The following FRYL variants were observed in gnomAD, a reference collection of about 807,000 sequenced individuals.
FRYL encodes the protein FRY like transcription coactivator.
In FRYL, 150 loss-of-function variants were observed where a neutral mutation model predicts 351.2. The observed-to-expected ratio is 0.43, with a 90% CI of 0.37 to 0.49. The LOEUF is 0.49. FRYL is among the 20% of genes least tolerant of loss of function. The pLI, the probability that FRYL is intolerant of heterozygous loss-of-function variation, is 0.00. For synonymous variants in FRYL, 1,153 were observed against 1,257.1 expected (o/e 0.92, Z 1.75); for missense variants, 3,036 against 3,619.3 (o/e 0.84, Z 4.13).
chr4:48,626,920 C>T (rs1357443199), intron 4 of FRYL, among the ~76,000 whole-genome samples: 1 of 152,064 alleles, frequency 6.6e-6, no homozygotes, highest in Admixed American at 6.6e-5. Context: ...ATTACCTTTA[C>T]TTTCTTAATA....
intron 1 of FRYL, among the ~76,000 whole-genome samples, chr4:48,751,485 A>G (rs1320190694): frequency 6.6e-6 from 1 of 152,228 alleles, no homozygotes; most frequent in Non-Finnish European, 1.5e-5. Flanking sequence ...CCAGGACATC[A>G]TTTCGGGGAG....
intron 2 of FRYL, among the ~76,000 whole-genome samples, chr4:48,702,055 G>C (rs1766775542): frequency 6.6e-6 from 1 of 152,126 alleles, no homozygotes; most frequent in Non-Finnish European, 1.5e-5. Flanking sequence ...AATTATACTT[G>C]AGACTTCCTT....
intron 1 of FRYL, among the ~76,000 whole-genome samples, chr4:48,759,469 A>C (rs1224560819): frequency 6.6e-6 from 1 of 152,168 alleles, no homozygotes; most frequent in East Asian, 1.9e-4. Flanking sequence ...AACAGCACAC[A>C]TTTATTATCT....
At chr4:48,703,208 G>C (rs534529956) in intron 2 of FRYL, among the ~76,000 whole-genome samples, 2 of 152,318 alleles carry the variant, frequency 1.3e-5, no homozygotes, top group East Asian at 3.9e-4. Flanking sequence ...TTCTGAAGCA[G>C]ACTAGATGGG....
intron 3 of FRYL, among the ~76,000 whole-genome samples, chr4:48,674,980 C>T (rs1167013541): frequency 1.3e-5 from 2 of 152,172 alleles, no homozygotes; most frequent in Admixed American, 6.5e-5. Flanking sequence ...ATGCTGATTA[C>T]GCCATTGTCT....
chr4:48,571,678 A>G, intron 26 of FRYL: 1 of 985,098 alleles, frequency 1.0e-6, no homozygotes, highest in Non-Finnish European at 1.2e-6. Context: ...ATGACTAATC[A>G]ATTACATTTA....
intron 1 of FRYL, among the ~76,000 whole-genome samples, chr4:48,767,340 G>A (rs567887131): frequency 3.0e-4 from 45 of 152,136 alleles, no homozygotes; most frequent in Non-Finnish European, 5.0e-4. Context: ...AGAGCAAGGG[G>A]GAAATCTGAC....
chr4:48,764,836 A>G (rs555473741), intron 1 of FRYL, among the ~76,000 whole-genome samples: 1 of 152,286 alleles, frequency 6.6e-6, no homozygotes, highest in Non-Finnish European at 1.5e-5. Flanking sequence ...TTTTCACAGA[A>G]ATAGGAAAAG....
At position 48,565,950 on chromosome 4, in the gene FRYL, T is replaced by C. The variant is rs111564597; in HGVS notation, c.3170-259A>G. On this transcript the variant is annotated intron_variant, in intron 28 of 63. Coordinates refer to ENST00000358350, the MANE Select transcript of FRYL (RefSeq NM_015030.2). ...AGCAGAAATTCCATGGCAGGCTCAA[T>C]GGCACATGAAGGCTGGCACAGAGGT... 6.1e-3 allele frequency among the ~76,000 whole-genome samples: 936 copies of C among 152,310 alleles called. 12 individuals are homozygous for C. The highest frequency in any genetic ancestry group is 0.021 in the African/African-American group (878 of 41,574).
Position 48,589,890 on chromosome 4 carries a change from A to T in FRYL, c.1508-13T>A. 6.3e-7 allele frequency: 1 copy of T among 1,597,878 alleles called. No homozygotes were observed. Among genetic ancestry groups the T allele is most frequent in the Non-Finnish European group, 8.6e-7 (1 of 1,168,188 alleles). On this transcript the variant is annotated splice_polypyrimidine_tract_variant and intron_variant, in intron 17 of 63. Transcript: ENST00000358350. ...TAAACTGACATTCCTAGGGGAAAAA[A>T]CTTCACAGTTATAAAATATCTGAAA...
rs202038710 is a variant in FRYL at position 48,695,487 on chromosome 4, AAT to A, written c.-203-10694_-203-10693del. 7.3e-3 allele frequency among the ~76,000 whole-genome samples: 1,091 copies of A among 150,358 alleles called. 11 individuals are homozygous for A. The highest frequency in any genetic ancestry group is 0.014 in the South Asian group (67 of 4,774). On this transcript the variant is annotated intron_variant, in intron 2 of 63. Coordinates refer to ENST00000358350, the MANE Select transcript of FRYL (RefSeq NM_015030.2). The stretch of plus-strand genomic sequence containing the variant: ...AAGATGTTAACATATATTTACTGTA[AAT>A]ATATATATATATATTTGTATGTGGG...
At chr4:48,703,490 T>C (rs1214732534) in intron 2 of FRYL, among the ~76,000 whole-genome samples, 1 of 152,186 alleles carries the variant, frequency 6.6e-6, no homozygotes, top group Non-Finnish European at 1.5e-5. Context: ...CCCTTCTCCC[T>C]GCATGCCAGC....
intron 2 of FRYL, among the ~76,000 whole-genome samples, chr4:48,687,492 C>CGGGGGGGGGGGGGGGGG (rs561805370): frequency 6.4e-5 from 3 of 46,564 alleles, no homozygotes; most frequent in Admixed American, 2.8e-4. Flanking sequence ...CAAATGAGGT[C>CGGGGGGGGGGGGGGGGG]GGGGGGGGGG....
At chr4:48,531,554 A>T (rs1727631099) in intron 49 of FRYL, among the ~76,000 whole-genome samples, 1 of 152,230 alleles carries the variant, frequency 6.6e-6, no homozygotes, top group South Asian at 2.1e-4. Context: ...TTTATCAGAT[A>T]CCATATGTGT....
At chr4:48,538,187 G>A (rs2148917591) in intron 47 of FRYL, among the ~76,000 whole-genome samples, 1 of 152,176 alleles carries the variant, frequency 6.6e-6, no homozygotes, top group East Asian at 1.9e-4. Context: ...TGTTCTATTG[G>A]ATTAGTTTAA....
intron 2 of FRYL, among the ~76,000 whole-genome samples, chr4:48,700,910 C>T (rs1015834015): frequency 6.6e-6 from 1 of 151,886 alleles, no homozygotes; most frequent in African/African-American, 2.4e-5. Flanking sequence ...TAAGTACTTG[C>T]CCTAGTTACT....
chr4:48,614,556 T>G (rs1231153227), intron 7 of FRYL, among the ~76,000 whole-genome samples: 2 of 151,564 alleles, frequency 1.3e-5, no homozygotes, highest in African/African-American at 4.8e-5. Flanking sequence ...ACCCCATCTC[T>G]TCTAAAAATA....
rs1736149432 is a variant in FRYL, at chr4:48,563,944, G to A, written c.3596+4C>T. 1.2e-6 allele frequency: 2 copies of A among 1,609,066 alleles called. No individual in the cohort carries two copies. Among genetic ancestry groups the A allele is most frequent in the Non-Finnish European group, 1.7e-6 (2 of 1,178,816 alleles). On this transcript the variant is annotated splice_donor_region_variant and intron_variant, in intron 31 of 63. Transcript: ENST00000358350. ...ATGAAACAAAAAACCTGTATCTAAA[G>A]TACCTGTTCTGGAAAACATTAGCAA...
rs1739584106 is a variant in FRYL at position 48,576,291 on chromosome 4, T to C, written c.2529-69A>G. 3 of 1,105,044 alleles carry C rather than the reference T, an allele frequency of 2.7e-6. No homozygotes were observed. In the South Asian group the frequency reaches 5.4e-5, roughly 20 times the overall value. The allele number at this position is 1,105,044 out of a possible 1,614,324, so 68.5% of individuals were successfully genotyped here. On this transcript the variant is annotated intron_variant, in intron 23 of 63. Coordinates refer to ENST00000358350, the MANE Select transcript of FRYL (RefSeq NM_015030.2). ...CACGTTTTTAAAAGTTTATTTTAAC[T>C]AATGCTAAATTTCTTTTTTTTTTTT...
Sources: allele counts gnomAD v4.1 joint callset (sites outside exome capture counted in the v4.1 genomes callset), GRCh38; gene constraint gnomAD v4.1.1; transcripts MANE v1.5; gene names NCBI Gene and HGNC (gene_info 2026-07-23, HGNC 2026-07-21).